Variants in LGR5 observed in about 807,000 individuals in gnomAD.
LGR5 encodes the protein leucine rich repeat containing G protein-coupled receptor 5, also known as leucine-rich repeat-containing G protein-coupled receptor 5.
A neutral mutation model predicts 76.7 loss-of-function variants in LGR5; 54 were observed. That is an observed-to-expected ratio of 0.70 (90% CI 0.57 to 0.88). The LOEUF (loss-of-function observed/expected upper bound fraction) is 0.88, where lower values mean the gene tolerates loss of function less well. LGR5 is among the 40% of genes least tolerant of loss of function. The pLI, the probability that LGR5 is intolerant of heterozygous loss-of-function variation, is 0.00. For synonymous variants in LGR5, 406 were observed against 421.9 expected (o/e 0.96, Z 0.46); for missense variants, 1,078 against 1,073.3 (o/e 1.00, Z -0.06).
In LGR5 at chr12:71,544,316, C is replaced by CT. The variant is rs5799045; in HGVS notation, c.429-8743dup. ...TCGTCTTTTTTTTTTTCTTCTTCTTCTTTTTTTTTTTTTTGTTAACCATTT... is the reference window on the plus strand; with the variant it reads ...TCGTCTTTTTTTTTTTCTTCTTCTTCTTTTTTTTTTTTTTTGTTAACCATTT... On this transcript the variant is annotated intron_variant, in intron 4 of 17. Transcript: ENST00000266674. Among the ~76,000 whole-genome samples the CT allele has an allele frequency of 2.4e-3, 83 of 34,886 alleles. 3 individuals carry two copies. The highest frequency in any genetic ancestry group is 7.3e-3 in the African/African-American group (70 of 9,650). The allele number at this position is 34,886 out of a possible 152,430, so 22.9% of individuals were successfully genotyped here. A position where few individuals can be genotyped will look rare whatever the true frequency, so the allele number is the denominator to read the frequency against.
At chr12:71,482,845 T>G (rs753986746) in intron 1 of LGR5, among the ~76,000 whole-genome samples, 5 of 152,218 alleles carry the variant, frequency 3.3e-5, no homozygotes, top group Non-Finnish European at 7.3e-5. Flanking sequence ...AATATATTAT[T>G]CTAGTGAATA....
At chr12:71,567,896 GT>G (rs1878428291) in intron 11 of LGR5, among the ~76,000 whole-genome samples, 2 of 152,094 alleles carry the variant, frequency 1.3e-5, no homozygotes, top group Admixed American at 1.3e-4. Flanking sequence ...TAAGAAAGCA[GT>G]ATTAGAGAAT....
chr12:71,535,159 T>C lies in LGR5; in HGVS notation c.401T>C (p.Leu134Pro), dbSNP rs150918807. Reference protein sequence around the residue: ...NQLRHVPTEALQNLRSLQSLR... With the variant: ...NQLRHVPTEAPQNLRSLQSLR... ...CTAAGACACGTACCCACAGAAGCTC[T>C]GCAGAATTTGCGAAGCCTTCAATCC... The change falls in exon 4 of 18, where the codon CTG (leucine) becomes CCG (proline). Residue 134 changes from leucine to proline, a missense_variant. Transcript: ENST00000266674. The C allele has an allele frequency of 1.9e-6, 3 of 1,611,366 alleles. No individual in the cohort carries two copies. The highest frequency in any genetic ancestry group is 2.5e-6 in the Non-Finnish European group (3 of 1,177,920).
intron 1 of LGR5, among the ~76,000 whole-genome samples, chr12:71,459,307 A>G (rs925890665): frequency 6.6e-6 from 1 of 152,140 alleles, no homozygotes; most frequent in South Asian, 2.1e-4. Context: ...CTGAAATACA[A>G]TTATGAATTC....
At chr12:71,447,147 A>G (rs1872037489) in intron 1 of LGR5, among the ~76,000 whole-genome samples, 1 of 152,220 alleles carries the variant, frequency 6.6e-6, no homozygotes, top group African/African-American at 2.4e-5. Flanking sequence ...TCACGAAGGT[A>G]TCAGAATGTT....
chr12:71,470,043 A>C (rs1012467348), intron 1 of LGR5, among the ~76,000 whole-genome samples: 1 of 152,146 alleles, frequency 6.6e-6, no homozygotes, highest in Non-Finnish European at 1.5e-5. Context: ...GGCCACCACC[A>C]GGGAGACATT....
At chr12:71,482,111 G>A (rs1385361887) in intron 1 of LGR5, among the ~76,000 whole-genome samples, 2 of 152,182 alleles carry the variant, frequency 1.3e-5, no homozygotes, top group African/African-American at 4.8e-5. Context: ...GTCATTAGAA[G>A]TTTACTTTTT....
At chr12:71,535,617 A>G (rs1453625917) in intron 4 of LGR5, among the ~76,000 whole-genome samples, 1 of 152,236 alleles carries the variant, frequency 6.6e-6, no homozygotes, top group Non-Finnish European at 1.5e-5. Context: ...CGAGTCAAAT[A>G]AAGGCTTACT....
chr12:71,541,162 G>C (rs1295963), intron 4 of LGR5, among the ~76,000 whole-genome samples: 24 of 152,304 alleles, frequency 1.6e-4, no homozygotes, highest in African/African-American at 5.1e-4. Flanking sequence ...TCTCCAATTT[G>C]AACATTGGGG....
rs898301479 is a variant in LGR5, at chr12:71,461,851, C to G, written c.212+21559C>G. On this transcript the variant is annotated intron_variant, in intron 1 of 17. Coordinates refer to ENST00000266674, the MANE Select transcript of LGR5 (RefSeq NM_003667.4). Reference sequence around the variant, plus strand: ...TAGTCCTCAATCATCCTGGACCACTCTCCAGCATTGCACTCTGATGACCAT... The same window carrying G: ...TAGTCCTCAATCATCCTGGACCACTGTCCAGCATTGCACTCTGATGACCAT... Among the ~76,000 whole-genome samples, 14 of 152,116 alleles carry G rather than the reference C, an allele frequency of 9.2e-5. No homozygotes were observed. The East Asian group carries it at 2.5e-3, about 27-fold the overall frequency.
chr12:71,458,992 A>G (rs1205274743), intron 1 of LGR5, among the ~76,000 whole-genome samples: 5 of 152,048 alleles, frequency 3.3e-5, no homozygotes, highest in African/African-American at 1.2e-4. Context: ...TAGCCAAGGA[A>G]AGGAGAGGGA....
At position 71,583,621 on chromosome 12, in the gene LGR5, A is replaced by C; in HGVS notation, c.1637-26A>C. On this transcript the variant is annotated intron_variant, in intron 17 of 17. Coordinates refer to ENST00000266674, the MANE Select transcript of LGR5 (RefSeq NM_003667.4). ...AGTTGTAAACCCTAATTTGATACTC[A>C]ATCTTTGCCTTCCTTGGACTTCTAG... 4 of 1,576,614 alleles carry C rather than the reference A, an allele frequency of 2.5e-6. No individual in the cohort carries two copies. The East Asian group carries it at 6.8e-5, about 27-fold the overall frequency.
intron 4 of LGR5, among the ~76,000 whole-genome samples, chr12:71,548,207 A>T (rs1053317959): frequency 3.3e-5 from 5 of 152,054 alleles, no homozygotes; most frequent in African/African-American, 1.2e-4. Context: ...ATTGCTAGAA[A>T]CTTTCTCTGA....
chr12:71,512,496 C>A (rs2732489), intron 2 of LGR5, among the ~76,000 whole-genome samples: 1 of 152,076 alleles, frequency 6.6e-6, no homozygotes, highest in Non-Finnish European at 1.5e-5. Context: ...TAATGACCAG[C>A]GGTTGTCCCC....
At chr12:71,569,072 G>T (rs1878480804) in intron 11 of LGR5, among the ~76,000 whole-genome samples, 1 of 152,142 alleles carries the variant, frequency 6.6e-6, no homozygotes, top group African/African-American at 2.4e-5. Context: ...AGGATTCCCT[G>T]TTTAATAAAT....
chr12:71,480,177 A>G (rs1204392771), intron 1 of LGR5, among the ~76,000 whole-genome samples: 1 of 152,036 alleles, frequency 6.6e-6, no homozygotes, highest in East Asian at 1.9e-4. Flanking sequence ...CAGCCTGGCC[A>G]ACATGACGAA....
intron 6 of LGR5, among the ~76,000 whole-genome samples, chr12:71,558,650 T>A (rs1877900142): frequency 6.6e-6 from 1 of 152,216 alleles, no homozygotes; most frequent in South Asian, 2.1e-4. Flanking sequence ...CATGTTTAAC[T>A]CAGTCAAATT....
At chr12:71,572,729 A>G in intron 12 of LGR5, 121 bp from the exon 13 acceptor site, 1 of 673,480 alleles carries the variant, frequency 1.5e-6, no homozygotes. Context: ...GTCACTTGAT[A>G]GATACACTTC....
In LGR5 at chr12:71,584,550, C is replaced by G; in HGVS notation, c.2540C>G (p.Pro847Arg). 6.2e-7 allele frequency: 1 copy of G among 1,614,070 alleles called. No homozygotes were observed. The highest frequency in any genetic ancestry group is 1.6e-4 in the Middle Eastern group (1 of 6,062). ...QTYVWTRSKHPSLMSINSDDV... is the reference protein window; with the variant it reads ...QTYVWTRSKHRSLMSINSDDV... ...TACGTCTGGACAAGATCAAAACACC[C>G]AAGCTTGATGTCAATTAACTCTGAT... Residue 847 changes from proline to arginine, a missense_variant, in exon 18 of 18, where the codon CCA becomes CGA. Coordinates refer to ENST00000266674, the MANE Select transcript of LGR5 (RefSeq NM_003667.4).
Sources: allele counts gnomAD v4.1 joint callset (sites outside exome capture counted in the v4.1 genomes callset), GRCh38; gene constraint gnomAD v4.1.1; transcripts MANE v1.5; gene names NCBI Gene and HGNC (gene_info 2026-07-23, HGNC 2026-07-21).